CAPN13: variants seen among roughly 807,000 people sequenced by gnomAD.
CAPN13 encodes the protein calpain 13.
In CAPN13, 90 loss-of-function variants were observed where a neutral mutation model predicts 98.4. That is an observed-to-expected ratio of 0.92 (90% CI 0.77 to 1.09). The LOEUF is 1.09. Among genes scored for constraint, CAPN13 ranks in the 50% least tolerant of loss-of-function variants. The pLI, the probability that CAPN13 is intolerant of heterozygous loss-of-function variation, is 0.00. For synonymous variants in CAPN13, 330 were observed against 305.5 expected (o/e 1.08, Z -0.84); for missense variants, 887 against 841.3 (o/e 1.05, Z -0.67).
chr2:30,732,709 C>T (rs773799814), intron 19 of CAPN13, 143 bp from the exon 20 acceptor site: 14 of 1,144,812 alleles, frequency 1.2e-5, no homozygotes, highest in South Asian at 1.5e-5. Flanking sequence ...TCAGTGTCTT[C>T]TCTTTCCTGT....
Position 30,800,116 on chromosome 2 carries a change from AAAAGAAAGAAAGAAAGAAAG to A in CAPN13, c.-33+7166_-33+7185del, listed in dbSNP as rs60233900. 3.3e-3 allele frequency among the ~76,000 whole-genome samples: 279 copies of A among 85,656 alleles called. 2 individuals are homozygous for A. Among genetic ancestry groups the A allele is most frequent in the African/African-American group, 7.4e-3 (164 of 22,074 alleles). The allele number at this position is 85,656 out of a possible 152,430, so 56.2% of individuals were successfully genotyped here. ...AAGAAAAGAAAGAAAGAAAAGAAAGAAAAGAAAGAAAGAAAGAAAGAAAGAAAGAAAGAAAGAAAGAAAGA... is the reference window on the plus strand; with the variant it reads ...AAGAAAAGAAAGAAAGAAAAGAAAGAAAAGAAAGAAAGAAAGAAAGAAAGA... On this transcript the variant is annotated intron_variant, in intron 1 of 22. Transcript: ENST00000295055.
intron 2 of CAPN13, among the ~76,000 whole-genome samples, chr2:30,780,044 GA>G (rs1398093406): frequency 3.9e-5 from 6 of 152,112 alleles, no homozygotes; most frequent in Non-Finnish European, 7.4e-5. Context: ...AAAATCTGAT[GA>G]TTTTTTGACA....
intron 1 of CAPN13, among the ~76,000 whole-genome samples, chr2:30,798,964 G>C (rs1444834752): frequency 6.6e-6 from 1 of 152,192 alleles, no homozygotes; most frequent in Non-Finnish European, 1.5e-5. Context: ...AACACATCGA[G>C]AATAATTTAG....
At position 30,787,172 on chromosome 2, in the gene CAPN13, G is replaced by A. The variant is rs1325298008; in HGVS notation, c.154C>T (p.Leu52Phe). The change falls in exon 2 of 23, where the codon CTC becomes TTC. Residue 52 changes from leucine to phenylalanine, a missense_variant. Coordinates refer to ENST00000295055, the MANE Select transcript of CAPN13 (RefSeq NM_144575.3). ...ACATTGGAGAGGCGTTTTTCCTGGA[G>A]CAGCTTCTGGCCTATGGAAGAATCT... ...AADSSIGQKL[L>F]QEKRLSNVIW... 1.9e-6 allele frequency: 3 copies of A among 1,587,480 alleles called. No individual in the cohort carries two copies. Among genetic ancestry groups the A allele is most frequent in the Non-Finnish European group, 2.6e-6 (3 of 1,166,508 alleles).
intron 4 of CAPN13, among the ~76,000 whole-genome samples, chr2:30,775,675 G>T (rs1340902173): frequency 6.6e-6 from 1 of 152,094 alleles, no homozygotes; most frequent in Non-Finnish European, 1.5e-5. Flanking sequence ...TTAGTTACAG[G>T]GTTCTCGATC....
At chr2:30,776,785 C>T (rs1673719950) in intron 3 of CAPN13, among the ~76,000 whole-genome samples, 1 of 152,062 alleles carries the variant, frequency 6.6e-6, no homozygotes, top group Admixed American at 6.6e-5. Flanking sequence ...CTTTGAATGC[C>T]ATTTCACACC....
chr2:30,800,124 G>GAAAGAAAGAAAGAAAGAAAGAA, intron 1 of CAPN13, among the ~76,000 whole-genome samples: 1 of 110,086 alleles, frequency 9.1e-6, no homozygotes, highest in African/African-American at 4.0e-5. Context: ...AGAAAAGAAA[G>GAAAGAAAGAAAGAAAGAAAGAA]AAAGAAAGAA....
intron 4 of CAPN13, among the ~76,000 whole-genome samples, chr2:30,772,979 C>G (rs1673488692): frequency 1.3e-5 from 2 of 152,178 alleles, no homozygotes; most frequent in Admixed American, 6.5e-5. Flanking sequence ...GCATGCGCCA[C>G]CACGCCCAGT....
Position 30,758,075 on chromosome 2 carries a change from C to A in CAPN13, c.837G>T (p.Glu279Asp), listed in dbSNP as rs1305470695. Residue 279 changes from glutamate to aspartate, a missense_variant, in exon 8 of 23, where the codon GAG becomes GAT. Glu to Asp is a conservative substitution (Grantham distance 45, BLOSUM62 2). Transcript: ENST00000295055. ...ISLWNPWGWG[E>D]AEWRGRWSDG... ...CACTCCAGCGCCCTCTCCATTCGGC[C>A]TCGCCCCAGCCCCAGGGGTTCCACA... 2.5e-6 allele frequency: 4 copies of A among 1,611,268 alleles called. No homozygotes were observed. Among genetic ancestry groups the A allele is most frequent in the Non-Finnish European group, 2.5e-6 (3 of 1,178,910 alleles).
rs535297027 is a variant in CAPN13 at position 30,785,615 on chromosome 2, C to G, written c.198+1513G>C. 1.8e-4 allele frequency among the ~76,000 whole-genome samples: 28 copies of G among 152,210 alleles called. No individual in the cohort carries two copies. In the Middle Eastern group the frequency reaches 0.01, roughly 55 times the overall value. On this transcript the variant is annotated intron_variant, in intron 2 of 22. Transcript: ENST00000295055. ...GTTGGCCTCAGTTTCTCCTTGCCCC[C>G]AAAAGACATCACAAGTTGAGTTGTT...
chr2:30,795,414 A>T (rs1674806728), intron 1 of CAPN13, among the ~76,000 whole-genome samples: 1 of 152,022 alleles, frequency 6.6e-6, no homozygotes, highest in South Asian at 2.1e-4. Flanking sequence ...ATATATCCTC[A>T]CTAACTCTTG....
intron 2 of CAPN13, among the ~76,000 whole-genome samples, chr2:30,782,964 A>G (rs1285190382): frequency 6.6e-6 from 1 of 152,204 alleles, no homozygotes; most frequent in Non-Finnish European, 1.5e-5. Context: ...CAAGTGCTCA[A>G]TAGCCACACG....
rs548001935 is a variant in CAPN13, at chr2:30,802,169, G to A, written c.-33+5133C>T. ...CTGGACTGGGAGCTCTGGTTGGGGG[G>A]TGGCGGGGGTTTGGAGACAAATCCA... On this transcript the variant is annotated intron_variant, in intron 1 of 22. Coordinates refer to ENST00000295055, the MANE Select transcript of CAPN13 (RefSeq NM_144575.3). Among the ~76,000 whole-genome samples, 6 of 152,220 alleles carry A rather than the reference G, an allele frequency of 3.9e-5. No homozygotes were observed. The East Asian group carries it at 1.2e-3, about 30-fold the overall frequency.
Position 30,753,167 on chromosome 2 carries a change from T to A in CAPN13, c.973A>T (p.Ile325Phe). The change falls in exon 10 of 23, where the codon ATC (isoleucine) becomes TTC (phenylalanine). Residue 325 changes from isoleucine to phenylalanine, a missense_variant. Coordinates refer to ENST00000295055, the MANE Select transcript of CAPN13 (RefSeq NM_144575.3). ...MSCQDFQQKF[I>F]AMFICSEIPI... is the part of the protein sequence containing the mutation. ...ATTTCGCTACATATAAACATGGCGA[T>A]GAATTTCTGTTGGAAATCTTGACAC... 2 of 1,614,052 alleles carry A rather than the reference T, an allele frequency of 1.2e-6. No homozygotes were observed. The highest frequency in any genetic ancestry group is 1.7e-6 in the Non-Finnish European group (2 of 1,179,870).
At chr2:30,730,861 C>A (rs950691780) in intron 21 of CAPN13, 75 bp from the exon 22 acceptor site, 24 of 775,428 alleles carry the variant, frequency 3.1e-5, no homozygotes, top group Non-Finnish European at 4.6e-5. Context: ...AAATGCCACC[C>A]TCCTCCCTCG....
chr2:30,806,532 T>C (rs901907765), intron 1 of CAPN13, among the ~76,000 whole-genome samples: 1 of 152,224 alleles, frequency 6.6e-6, no homozygotes, highest in Non-Finnish European at 1.5e-5. Context: ...ACCAAAGTTG[T>C]GTTTGTGACC....
intron 6 of CAPN13, among the ~76,000 whole-genome samples, 163 bp from the exon 7 acceptor site, chr2:30,763,319 C>A (rs1428162814): frequency 6.6e-6 from 1 of 152,244 alleles, no homozygotes; most frequent in Non-Finnish European, 1.5e-5. Context: ...GTTGGAAGGC[C>A]ATTGGGTGTC....
intron 1 of CAPN13, among the ~76,000 whole-genome samples, chr2:30,789,077 G>A (rs1674474268): frequency 6.6e-6 from 1 of 152,072 alleles, no homozygotes; most frequent in Non-Finnish European, 1.5e-5. Context: ...TAGAATAATG[G>A]CACAAAATAT....
At chr2:30,752,311 G>A (rs1672213620) in intron 10 of CAPN13, among the ~76,000 whole-genome samples, 2 of 152,162 alleles carry the variant, frequency 1.3e-5, no homozygotes, top group Admixed American at 1.3e-4. Context: ...CAAATGCATT[G>A]TTTACGCAGC....
Sources: gnomAD v4.1 joint callset for allele counts (sites outside exome capture counted in the v4.1 genomes callset) on GRCh38, gnomAD v4.1.1 for gene constraint, MANE v1.5 for transcripts, NCBI Gene and HGNC (gene_info 2026-07-23, HGNC 2026-07-21) for gene names.